PSORS1C1: variants seen among roughly 807,000 people sequenced by gnomAD.
The protein encoded by PSORS1C1 is psoriasis susceptibility 1 candidate gene 1 protein.
In PSORS1C1, 7 loss-of-function variants were observed where a neutral mutation model predicts 9.4. The observed-to-expected ratio is 0.75, with a 90% CI of 0.42 to 1.40. The LOEUF (loss-of-function observed/expected upper bound fraction) is 1.40, where lower values mean the gene tolerates loss of function less well. PSORS1C1 is among the 40% of genes most tolerant of loss of function. The probability of loss-of-function intolerance (pLI) is 0.01; values close to 1 mark genes in which losing one functional copy is unlikely to be tolerated. For synonymous variants in PSORS1C1, 63 were observed against 69.4 expected (o/e 0.91, Z 0.46); for missense variants, 146 against 178.1 (o/e 0.82, Z 1.02).
At position 31,134,384 on chromosome 6, in the gene PSORS1C1, G is replaced by C. The variant is rs373488996; in HGVS notation, c.14-4046G>C. ...GTGGCACGATCTCGGCTCACTGCAA[G>C]CTCCACCTCCCAGGTTCACGCCATT... On this transcript the variant is annotated intron_variant, in intron 3 of 5. Coordinates refer to ENST00000259881, the MANE Select transcript of PSORS1C1 (RefSeq NM_014068.3). Among the ~76,000 whole-genome samples the C allele has an allele frequency of 5.4e-5, 8 of 148,308 alleles. No homozygotes were observed. In the East Asian group the frequency reaches 1.0e-3, roughly 19 times the overall value.
chr6:31,124,235 G>A (rs1297274330), intron 1 of PSORS1C1, among the ~76,000 whole-genome samples: 2 of 152,168 alleles, frequency 1.3e-5, no homozygotes, highest in African/African-American at 2.4e-5. Context: ...CTACCCAGGA[G>A]GTGGAGGTGG....
rs145583110 is a variant in PSORS1C1, at chr6:31,116,168, C to T, written c.-229+1277C>T. The T allele has an allele frequency of 6.0e-3, 9,749 of 1,611,710 alleles. 73 individuals carry two copies. The highest frequency in any genetic ancestry group is 7.4e-3 in the Non-Finnish European group (8,752 of 1,178,576). On this transcript the variant is annotated intron_variant, in intron 1 of 5. Transcript: ENST00000259881. ...GCACTGCTGGAGCCACAGGGCTTGG[C>T]ACCAGCGGAGGGATCAGGATGGGGA...
At chr6:31,132,264 G>A (rs370094346) in intron 3 of PSORS1C1, among the ~76,000 whole-genome samples, 1 of 152,160 alleles carries the variant, frequency 6.6e-6, no homozygotes, top group African/African-American at 2.4e-5. Context: ...GCTCATGCCT[G>A]TAATCTCGAC....
At chr6:31,130,674 T>C (rs1041639649) in intron 3 of PSORS1C1, among the ~76,000 whole-genome samples, 1 of 152,098 alleles carries the variant, frequency 6.6e-6, no homozygotes, top group Non-Finnish European at 1.5e-5. Flanking sequence ...GTGCTGGGAT[T>C]ACAAGCGTGA....
At chr6:31,138,271 G>GT (rs1561776354) in intron 3 of PSORS1C1, 159 bp from the exon 4 acceptor site, 1 of 1,580,456 alleles carries the variant, frequency 6.3e-7, no homozygotes, top group South Asian at 1.2e-5. Context: ...TCCTCTGCGG[G>GT]TGGGTGAGAG....
rs1772078829 is a variant in PSORS1C1, at chr6:31,115,848, G to C, written c.-229+957G>C. 2 of 605,036 alleles carry C rather than the reference G, an allele frequency of 3.3e-6. No homozygotes were observed. The highest frequency in any genetic ancestry group is 5.9e-6 in the Non-Finnish European group (2 of 337,050). The allele number at this position is 605,036 out of a possible 1,614,324, so 37.5% of individuals were successfully genotyped here. On this transcript the variant is annotated intron_variant, in intron 1 of 5. Coordinates refer to ENST00000259881, the MANE Select transcript of PSORS1C1 (RefSeq NM_014068.3). The surrounding 1 kb of genome is among the most constrained non-coding windows in gnomAD (Gnocchi z 4.2). ...CTACCATTTTGAGAAGAGGAAGGAGGAAGGGGTGATAAGAGAGAGTCTGCA... is the reference window on the plus strand; with the variant it reads ...CTACCATTTTGAGAAGAGGAAGGAGCAAGGGGTGATAAGAGAGAGTCTGCA...
chr6:31,139,952 A>C lies in PSORS1C1; in HGVS notation c.*20A>C. 6.3e-7 allele frequency: 1 copy of C among 1,598,050 alleles called. No individual in the cohort carries two copies. On this transcript the variant is annotated 3_prime_UTR_variant, in exon 6 of 6. Coordinates refer to ENST00000259881, the MANE Select transcript of PSORS1C1 (RefSeq NM_014068.3). The surrounding 1 kb of genome is among the most constrained non-coding windows in gnomAD (Gnocchi z 5.2). ...ATCTAAGCCTCCCAGAGAGACCCCTAGAACGTTTCCCTCAAGGACCTTTCT... is the reference window on the plus strand; with the variant it reads ...ATCTAAGCCTCCCAGAGAGACCCCTCGAACGTTTCCCTCAAGGACCTTTCT...
At position 31,115,859 on chromosome 6, in the gene PSORS1C1, AAGAG is replaced by A; in HGVS notation, c.-229+973_-229+976del. The A allele has an allele frequency of 1.6e-6, 1 of 622,758 alleles. No individual in the cohort carries two copies. The highest frequency in any genetic ancestry group is 2.7e-5 in the East Asian group (1 of 36,382). The allele number at this position is 622,758 out of a possible 1,614,324, so 38.6% of individuals were successfully genotyped here. On this transcript the variant is annotated intron_variant, in intron 1 of 5. Transcript: ENST00000259881. The surrounding 1 kb of genome is among the most constrained non-coding windows in gnomAD (Gnocchi z 4.2). ...AGAAGAGGAAGGAGGAAGGGGTGATAAGAGAGAGTCTGCAACCTTGGGGTAGTGG... is the reference window on the plus strand; with the variant it reads ...AGAAGAGGAAGGAGGAAGGGGTGATAAGAGTCTGCAACCTTGGGGTAGTGG...
chr6:31,136,022 C>T (rs1055124659), intron 3 of PSORS1C1, among the ~76,000 whole-genome samples: 8 of 152,284 alleles, frequency 5.3e-5, no homozygotes, highest in African/African-American at 1.9e-4. Context: ...CACTGCACTC[C>T]AGCCTGGATG....
chr6:31,123,023 A>T (rs772974747), intron 1 of PSORS1C1, among the ~76,000 whole-genome samples: 3 of 152,220 alleles, frequency 2.0e-5, no homozygotes, highest in Non-Finnish European at 2.9e-5. Context: ...ACTTCCCCTG[A>T]CCAGCCAGAG....
At chr6:31,127,194 A>C (rs10947137) in intron 2 of PSORS1C1, among the ~76,000 whole-genome samples, 10,979 of 152,178 alleles carry the variant, frequency 0.072, 489 homozygotes, top group South Asian at 0.18. Flanking sequence ...TTGTACCAGG[A>C]GGGACTTCTA....
intron 1 of PSORS1C1, among the ~76,000 whole-genome samples, chr6:31,119,032 G>A (rs1454263006): frequency 6.6e-6 from 1 of 151,648 alleles, no homozygotes; most frequent in Non-Finnish European, 1.5e-5. Flanking sequence ...TTAGTAGAGA[G>A]GGGGTTTCAC....
chr6:31,116,941 G>C (rs751041754), intron 1 of PSORS1C1: 2 of 1,614,202 alleles, frequency 1.2e-6, no homozygotes, highest in East Asian at 4.5e-5. Flanking sequence ...ACTGCAGGGA[G>C]AGTCGGGGAT....
chr6:31,117,227 C>G lies in PSORS1C1; in HGVS notation c.-229+2336C>G, dbSNP rs199588644. 40 of 1,613,586 alleles carry G rather than the reference C, an allele frequency of 2.5e-5. No homozygotes were observed. In the East Asian group the frequency reaches 8.9e-4, roughly 36 times the overall value. ...CTGCTGCTCCCCAGCTGGGAGGAAC[C>G]GGATGCACCTTGTAGACTAGAGCCA... On this transcript the variant is annotated intron_variant, in intron 1 of 5. Transcript: ENST00000259881.
At chr6:31,129,808 A>G (rs1772828735) in intron 3 of PSORS1C1, among the ~76,000 whole-genome samples, 163 bp downstream of exon 3, 1 of 152,268 alleles carries the variant, frequency 6.6e-6, no homozygotes, top group Non-Finnish European at 1.5e-5. Flanking sequence ...CCAAGGAAAT[A>G]AAGGCATGGA....
At chr6:31,119,401 C>G (rs1294903325) in intron 1 of PSORS1C1, among the ~76,000 whole-genome samples, 2 of 152,150 alleles carry the variant, frequency 1.3e-5, no homozygotes, top group Non-Finnish European at 2.9e-5. Flanking sequence ...ATGGGAAGGT[C>G]GCAGAAATTC....
chr6:31,135,283 C>T (rs1773093496), intron 3 of PSORS1C1, among the ~76,000 whole-genome samples: 1 of 152,166 alleles, frequency 6.6e-6, no homozygotes, highest in African/African-American at 2.4e-5. Flanking sequence ...GTCTCCCAGG[C>T]TGGAGTGCAG....
intron 3 of PSORS1C1, among the ~76,000 whole-genome samples, chr6:31,132,952 G>T (rs926180226): frequency 3.3e-5 from 5 of 152,018 alleles, no homozygotes; most frequent in Non-Finnish European, 5.9e-5. Flanking sequence ...GGAGGGCTGG[G>T]GTACTGACAC....
At chr6:31,116,262 C>G in intron 1 of PSORS1C1, 1 of 1,614,096 alleles carries the variant, frequency 6.2e-7, no homozygotes, top group Non-Finnish European at 8.5e-7. Context: ...AAGAGCTGGA[C>G]TTGCTGCCAC....
Sources: allele counts gnomAD v4.1 joint callset (sites outside exome capture counted in the v4.1 genomes callset), GRCh38; gene constraint gnomAD v4.1.1; non-coding constraint Gnocchi (gnomAD v3.1); transcripts MANE v1.5; gene names NCBI Gene and HGNC (gene_info 2026-07-23, HGNC 2026-07-21).